The following MSN variants were observed in gnomAD, a reference collection of about 807,000 sequenced individuals.
MSN encodes the protein moesin.
A neutral mutation model predicts 48.0 loss-of-function variants in MSN; 2 were observed. The observed-to-expected ratio is 0.04, with a 90% CI of 0.02 to 0.13. The LOEUF (loss-of-function observed/expected upper bound fraction) is 0.13, where lower values mean the gene tolerates loss of function less well. Ranked by LOEUF, MSN falls within the 10% of genes least tolerant of loss-of-function variation. The pLI, the probability that MSN is intolerant of heterozygous loss-of-function variation, is 1.00. For missense variants in MSN, 267 were observed against 470.1 expected (o/e 0.57, Z 3.99); for synonymous variants, 146 against 166.9 (o/e 0.87, Z 0.97).
chrX:65,708,300 T>C (rs1043386080), intron 1 of MSN, among the ~76,000 whole-genome samples: 1 of 112,223 alleles, frequency 8.9e-6, no homozygotes, highest in African/African-American at 3.2e-5. Flanking sequence ...ACATTTATCA[T>C]TTCTTTTTGT....
At chrX:65,598,446 C>CAG (rs1232243569) in intron 1 of MSN, among the ~76,000 whole-genome samples, 2 of 110,345 alleles carry the variant, frequency 1.8e-5, no homozygotes, top group Non-Finnish European at 3.8e-5. Flanking sequence ...CAAGGAAAGA[C>CAG]AGAGAGAGAG....
At chrX:65,614,855 T>G in intron 1 of MSN, among the ~76,000 whole-genome samples, 1 of 39,613 alleles carries the variant, frequency 2.5e-5, no homozygotes, top group East Asian at 1.1e-3. Flanking sequence ...CCCTCCCCCC[T>G]CCCCCCACCC....
intron 1 of MSN, among the ~76,000 whole-genome samples, chrX:65,687,751 C>G (rs1361199623): frequency 8.9e-6 from 1 of 111,742 alleles, no homozygotes; most frequent in Non-Finnish European, 1.9e-5. Context: ...CTTCAAAGAT[C>G]GGAGGTTGAG....
At chrX:65,593,694 C>T (rs1319291526) in intron 1 of MSN, among the ~76,000 whole-genome samples, 1 of 111,852 alleles carries the variant, frequency 8.9e-6, no homozygotes, top group Non-Finnish European at 1.9e-5. Context: ...AGGCGCATGC[C>T]ACCACTCCCG....
At chrX:65,592,918 G>A (rs1452287530) in intron 1 of MSN, among the ~76,000 whole-genome samples, 1 of 110,351 alleles carries the variant, frequency 9.1e-6, no homozygotes, top group South Asian at 3.9e-4. Context: ...GTGCACGCCT[G>A]TAATCCCAGC....
intron 1 of MSN, among the ~76,000 whole-genome samples, chrX:65,704,121 A>C (rs971044629): frequency 4.9e-4 from 55 of 111,670 alleles, no homozygotes; most frequent in African/African-American, 1.8e-3. Flanking sequence ...AAAAATGGTC[A>C]GTTTCCAGTC....
intron 1 of MSN, among the ~76,000 whole-genome samples, chrX:65,673,968 T>C (rs1405376541): frequency 9.0e-6 from 1 of 111,388 alleles, no homozygotes; most frequent in African/African-American, 3.3e-5. Flanking sequence ...TCTGTGCTGG[T>C]GGTGACATGA....
intron 1 of MSN, among the ~76,000 whole-genome samples, chrX:65,636,589 A>C (rs2070601183): frequency 9.3e-6 from 1 of 108,017 alleles, no homozygotes; most frequent in Admixed American, 1.0e-4. Context: ...TACTGAAAAT[A>C]CAAAAAAATT....
intron 2 of MSN, among the ~76,000 whole-genome samples, chrX:65,722,404 CGTGTGTGTGTGTGTGT>C (rs55900091): frequency 2.1e-5 from 2 of 94,701 alleles, no homozygotes; most frequent in Admixed American, 1.1e-4. Context: ...CGTGCACGCT[CGTGTGTGTGTGTGTGT>C]GTGTGTGTGT....
rs1175057333 is a variant in MSN at position 65,639,365 on chromosome X, G to A, written c.-22+50753G>A. On this transcript the variant is annotated intron_variant, in intron 1 of 3. Transcript: ENST00000609672. The stretch of plus-strand genomic sequence containing the variant: ...TCACCATGTTGCCCAGGCTGGTCTC[G>A]AACTCATGACCTCAGGTAATCCACT... 6.3e-5 allele frequency among the ~76,000 whole-genome samples: 7 copies of A among 111,144 alleles called. No individual in the cohort carries two copies. In the East Asian group the frequency reaches 8.6e-4, roughly 14 times the overall value.
At chrX:65,696,225 T>TCA (rs111720807) in intron 1 of MSN, among the ~76,000 whole-genome samples, 2,429 of 101,809 alleles carry the variant, frequency 0.024, 27 homozygotes, top group Non-Finnish European at 0.031. Context: ...GCTTGCTCAT[T>TCA]CACACACACA....
At chrX:65,640,765 G>A (rs778502652) in intron 1 of MSN, among the ~76,000 whole-genome samples, 2 of 111,421 alleles carry the variant, frequency 1.8e-5, no homozygotes, top group East Asian at 2.8e-4. Flanking sequence ...AGGAGGAAAG[G>A]TATGATAGCC....
intron 1 of MSN, among the ~76,000 whole-genome samples, chrX:65,601,577 G>C (rs2070236108): frequency 8.9e-6 from 1 of 112,683 alleles, no homozygotes; most frequent in Non-Finnish European, 1.9e-5. Context: ...GTGGCTGGCT[G>C]GGCGGGTGGG....
At chrX:65,700,288 G>A (rs1008588765) in intron 1 of MSN, among the ~76,000 whole-genome samples, 1 of 111,893 alleles carries the variant, frequency 8.9e-6, no homozygotes, top group African/African-American at 3.3e-5. Context: ...AAGAGGTCTA[G>A]GGACTTGTAA....
intron 1 of MSN, among the ~76,000 whole-genome samples, chrX:65,681,795 G>C (rs1359081430): frequency 2.7e-5 from 3 of 112,490 alleles, no homozygotes; most frequent in African/African-American, 9.7e-5. Context: ...ACTCCAGTAT[G>C]TTTGTTCCAG....
chrX:65,618,330 G>T (rs2070396886), intron 1 of MSN, among the ~76,000 whole-genome samples: 1 of 111,266 alleles, frequency 9.0e-6, no homozygotes, highest in Non-Finnish European at 1.9e-5. Context: ...CATTATTAAT[G>T]TGTGGGAGTC....
At chrX:65,700,073 A>T (rs1340201562) in intron 1 of MSN, among the ~76,000 whole-genome samples, 2 of 112,131 alleles carry the variant, frequency 1.8e-5, no homozygotes, top group African/African-American at 6.5e-5. Flanking sequence ...ATTGTTGTAT[A>T]CAAGTGAGCC....
At chrX:65,632,382 G>A (rs1454349731) in intron 1 of MSN, among the ~76,000 whole-genome samples, 1 of 112,115 alleles carries the variant, frequency 8.9e-6, no homozygotes, top group Non-Finnish European at 1.9e-5. Flanking sequence ...GAAAACATGA[G>A]TCAATAAATT....
At chrX:65,664,321 A>C (rs1033983328), upstream of MSN, among the ~76,000 whole-genome samples, 2 of 111,430 alleles carry the variant, frequency 1.8e-5, no homozygotes, top group African/African-American at 6.5e-5. Context: ...AAACTACTAG[A>C]GGTGGGAGGG....
Sources: gnomAD v4.1 joint callset for allele counts (sites outside exome capture counted in the v4.1 genomes callset) on GRCh38, gnomAD v4.1.1 for gene constraint, MANE v1.5 for transcripts, NCBI Gene and HGNC (gene_info 2026-07-23, HGNC 2026-07-21) for gene names.